NFATC1: variants seen among roughly 807,000 people sequenced by gnomAD.
The protein encoded by NFATC1 is nuclear factor of activated T cells 1.
In NFATC1, 22 loss-of-function variants were observed where a neutral mutation model predicts 76.0. The ratio of observed to expected loss-of-function variants is 0.29; its 90% CI spans 0.21 to 0.41. The LOEUF (loss-of-function observed/expected upper bound fraction) is 0.41. NFATC1 is among the 10% of genes least tolerant of loss of function. The pLI, the probability that NFATC1 is intolerant of heterozygous loss-of-function variation, is 1.00. For missense variants in NFATC1, 1,357 were observed against 1,337.7 expected, an observed-to-expected ratio of 1.01 and a Z score of -0.23; for synonymous variants, 704 against 613.1, an observed-to-expected ratio of 1.15 and a Z score of -2.19.
At chr18:79,458,741 G>A (rs546964896) in intron 6 of NFATC1, among the ~76,000 whole-genome samples, 1 of 152,366 alleles carries the variant, frequency 6.6e-6, no homozygotes, top group African/African-American at 2.4e-5. Context: ...CACGGGGGCC[G>A]GCGCTGCCCG....
intron 3 of NFATC1, among the ~76,000 whole-genome samples, chr18:79,444,715 A>C (rs990468163): frequency 7.0e-6 from 1 of 143,388 alleles, no homozygotes; most frequent in African/African-American, 2.9e-5. Context: ...GGCACTGCAC[A>C]CACAGGCACC....
At chr18:79,482,714 A>C (rs1239538647) in intron 8 of NFATC1, among the ~76,000 whole-genome samples, 11 of 113,508 alleles carry the variant, frequency 9.7e-5, no homozygotes, top group South Asian at 3.0e-4. Context: ...CCTGGGGTGT[A>C]ATTCCAGCGT....
At chr18:79,474,782 C>A (rs1452856965) in intron 8 of NFATC1, among the ~76,000 whole-genome samples, 1 of 117,866 alleles carries the variant, frequency 8.5e-6, no homozygotes, top group Non-Finnish European at 1.7e-5. Context: ...GTCGACGTTG[C>A]GAGGGAAGCG....
rs145572839 is a variant in NFATC1, at chr18:79,471,391, C to T, written c.2092+3809C>T. Among the ~76,000 whole-genome samples the T allele has an allele frequency of 5.2e-3, 794 of 152,286 alleles. 10 individuals carry two copies. Among genetic ancestry groups the T allele is most frequent in the African/African-American group, 0.018 (738 of 41,548 alleles). On this transcript the variant is annotated intron_variant, in intron 8 of 9. Transcript: ENST00000427363. ...CGGGAATCTGTCTCGTGGGGGGCTG[C>T]GGGCACTTTGGAGAAAGAAAACCAA...
chr18:79,445,349 G>A (rs1445847743), intron 3 of NFATC1, among the ~76,000 whole-genome samples: 1 of 152,186 alleles, frequency 6.6e-6, no homozygotes, highest in Non-Finnish European at 1.5e-5. Context: ...GTGGAGCCAC[G>A]GGGTCTCTGA....
At position 79,440,130 on chromosome 18, in the gene NFATC1, C is replaced by G. The variant is rs931004209; in HGVS notation, c.1386+6392C>G. On this transcript the variant is annotated intron_variant, in intron 3 of 9. Coordinates refer to ENST00000427363, the MANE Select transcript of NFATC1 (RefSeq NM_001278669.2). ...GGGTGTGCAGCTGAGACAGGAAATA[C>G]GAGGCGCATGAGTGTCCCCAAGCCC... 1.1e-4 allele frequency among the ~76,000 whole-genome samples: 16 copies of G among 152,252 alleles called. No homozygotes were observed. In the East Asian group the frequency reaches 2.9e-3, roughly 28 times the overall value.
At chr18:79,494,229 GTGGC>G (rs2089794699) in intron 9 of NFATC1, among the ~76,000 whole-genome samples, 9 of 132,342 alleles carry the variant, frequency 6.8e-5, no homozygotes, top group Admixed American at 1.5e-4. Flanking sequence ...TCAACCTGGT[GTGGC>G]CGGGGGAAGG....
chr18:79,507,699 C>T (rs1270722328), intron 9 of NFATC1, among the ~76,000 whole-genome samples: 1 of 152,238 alleles, frequency 6.6e-6, no homozygotes, highest in Non-Finnish European at 1.5e-5. Context: ...GCTTCTGCAC[C>T]CCCACCCGTG....
rs1024385542 is a variant in NFATC1 at position 79,527,779 on chromosome 18, TGGA to T, written c.*207_*209del. The T allele has an allele frequency of 2.7e-4, 161 of 594,966 alleles. No homozygotes were observed. The highest frequency in any genetic ancestry group is 8.2e-5 in the East Asian group (3 of 36,416). The allele number at this position is 594,966 out of a possible 1,614,324, so 36.9% of individuals were successfully genotyped here. ...GAGGAAGGGAGACCACTGTGTCACC[TGGA>T]GGAGAAGTCATCTCATGACAACAGA... On this transcript the variant is annotated 3_prime_UTR_variant, in exon 10 of 10. Coordinates refer to ENST00000427363, the MANE Select transcript of NFATC1 (RefSeq NM_001278669.2).
rs1256552618 is a variant in NFATC1 at position 79,499,840 on chromosome 18, CAAATT to C, written c.2782+12907_2782+12911del. On this transcript the variant is annotated intron_variant, in intron 9 of 9. Transcript: ENST00000427363. ...TTGGAGTAGCTACACTAATATCAGA[CAAATT>C]AAACTCTAAGATAAAAATATTACTA... 3.9e-5 allele frequency among the ~76,000 whole-genome samples: 6 copies of C among 152,186 alleles called. No homozygotes were observed. The South Asian group carries it at 8.3e-4, about 21-fold the overall frequency.
At chr18:79,484,853 G>T (rs569015095) in intron 8 of NFATC1, among the ~76,000 whole-genome samples, 2 of 152,310 alleles carry the variant, frequency 1.3e-5, no homozygotes, top group South Asian at 2.1e-4. Flanking sequence ...TGTGCGGGGG[G>T]GGAAGAGGGC....
intron 9 of NFATC1, among the ~76,000 whole-genome samples, chr18:79,520,411 G>A (rs1275341017): frequency 6.6e-6 from 1 of 151,972 alleles, no homozygotes; most frequent in Non-Finnish European, 1.5e-5. Context: ...CTGCTCCGCT[G>A]GCGCCTCTGG....
chr18:79,480,762 G>A (rs559240626), intron 8 of NFATC1, among the ~76,000 whole-genome samples: 1 of 152,184 alleles, frequency 6.6e-6, no homozygotes, highest in African/African-American at 2.4e-5. Flanking sequence ...AGCTGTGCAC[G>A]GGGCCTCTAG....
At position 79,410,488 on chromosome 18, in the gene NFATC1, C is replaced by G. The variant is rs375567329; in HGVS notation, c.213C>G (p.Asn71Lys). The G allele has an allele frequency of 6.2e-7, 1 of 1,612,350 alleles. No individual in the cohort carries two copies. The highest frequency in any genetic ancestry group is 1.1e-5 in the South Asian group (1 of 91,068). The change falls in exon 2 of 10, where the codon AAC becomes AAG. Residue 71 changes from asparagine (N) to lysine (K), a missense_variant. Asn to Lys is a moderately conservative substitution (Grantham distance 94). Around this residue, in one of 3 missense-constraint regions of NFATC1, gnomAD observed 691 missense variants for 613.1 expected, o/e 1.13. Coordinates refer to ENST00000427363, the MANE Select transcript of NFATC1 (RefSeq NM_001278669.2). This position sits in a 1 kb window ranked among gnomAD's most constrained non-coding sequence, Gnocchi z 6.7. ...AHSTLPAPCH[N>K]LQTSTPGIIP... ...CCACCCTGCCGGCCCCGTGCCACAA[C>G]CTTCAGACCTCCACACCGGGCATCA...
At chr18:79,521,177 G>A (rs1284730041) in intron 9 of NFATC1, among the ~76,000 whole-genome samples, 1 of 91,192 alleles carries the variant, frequency 1.1e-5, no homozygotes. Context: ...ACTGATGTGT[G>A]TCCATGTGTG....
At position 79,528,029 on chromosome 18, in the gene NFATC1, T is replaced by G. The variant is rs930732280; in HGVS notation, c.*452T>G. 1 of 411,922 alleles carries G rather than the reference T, an allele frequency of 2.4e-6. No homozygotes were observed. The highest frequency in any genetic ancestry group is 4.3e-6 in the Non-Finnish European group (1 of 233,432). The allele number at this position is 411,922 out of a possible 1,614,324, so 25.5% of individuals were successfully genotyped here. A position where few individuals can be genotyped will look rare whatever the true frequency, so the allele number is the denominator to read the frequency against. On this transcript the variant is annotated 3_prime_UTR_variant, in exon 10 of 10. Transcript: ENST00000427363. ...AGCAGAAACTGCAAACACATTTCATTGTGAGGTTTTACCCTCTGTATGAAT... is the reference window on the plus strand; with the variant it reads ...AGCAGAAACTGCAAACACATTTCATGGTGAGGTTTTACCCTCTGTATGAAT...
In NFATC1 at chr18:79,486,462, C is replaced by T. The variant is rs369946128; in HGVS notation, c.2307C>T (p.His769=). The T allele has an allele frequency of 3.3e-5, 53 of 1,610,420 alleles. No individual in the cohort carries two copies. Among genetic ancestry groups the T allele is most frequent in the African/African-American group, 3.1e-4 (23 of 74,918 alleles). Residue 769 remains histidine, a synonymous_variant, in exon 9 of 10, where the codon CAC becomes CAT. Transcript: ENST00000427363. The stretch of plus-strand genomic sequence containing the variant: ...CCCCTGGCGTGAGCCCCAAGCTCCA[C>T]GACCTTTCTCCCGCTGCCTACACCA... The part of the protein sequence containing the change: ...PAAPGVSPKL[H]DLSPAAYTKG...
intron 9 of NFATC1, among the ~76,000 whole-genome samples, chr18:79,514,417 A>G (rs887012180): frequency 2.0e-5 from 3 of 151,412 alleles, no homozygotes; most frequent in Non-Finnish European, 4.4e-5. Context: ...TCTACCAAAA[A>G]TACAAAAATT....
chr18:79,474,296 T>C (rs1435723808), intron 8 of NFATC1, among the ~76,000 whole-genome samples: 4 of 135,972 alleles, frequency 2.9e-5, no homozygotes, highest in African/African-American at 1.2e-4. Context: ...TCACGCTCAC[T>C]GTCGACATTG....
Sources: gnomAD v4.1 joint callset for allele counts (sites outside exome capture counted in the v4.1 genomes callset) on GRCh38, gnomAD v4.1.1 for gene constraint, gnomAD v4.1.1 regional missense constraint, Gnocchi (gnomAD v3.1) non-coding constraint, MANE v1.5 for transcripts, NCBI Gene and HGNC (gene_info 2026-07-23, HGNC 2026-07-21) for gene names.